The following GPR149 variants were observed in gnomAD, a reference collection of about 807,000 sequenced individuals.
The protein encoded by GPR149 is G protein-coupled receptor 149, also known as probable G protein-coupled receptor 149.
In GPR149, 50 loss-of-function variants were observed where a neutral mutation model predicts 50.2. The observed-to-expected ratio is 1.00, with a 90% CI of 0.79 to 1.26. The LOEUF (loss-of-function observed/expected upper bound fraction) is 1.26. GPR149 is among the 50% of genes most tolerant of loss of function. The pLI is 0.00. For missense variants in GPR149, 983 were observed against 895.4 expected, an observed-to-expected ratio of 1.10 and a Z score of -1.25; for synonymous variants, 405 against 358.2, an observed-to-expected ratio of 1.13 and a Z score of -1.48.
intron 3 of GPR149, among the ~76,000 whole-genome samples, chr3:154,355,885 G>C (rs1375667375): frequency 6.6e-6 from 1 of 152,146 alleles, no homozygotes; most frequent in Non-Finnish European, 1.5e-5. Context: ...GTTTTTGTAA[G>C]GTTGCTATAC....
intron 3 of GPR149, among the ~76,000 whole-genome samples, chr3:154,396,795 C>T (rs1433571093): frequency 6.6e-6 from 1 of 151,722 alleles, no homozygotes. Flanking sequence ...TCATTTCTAT[C>T]AGACTATCAG....
At chr3:154,356,714 C>T (rs1028720733) in intron 3 of GPR149, among the ~76,000 whole-genome samples, 1 of 152,116 alleles carries the variant, frequency 6.6e-6, no homozygotes, top group Non-Finnish European at 1.5e-5. Flanking sequence ...ATTCCATGCT[C>T]ATGGGTAGGA....
chr3:154,396,016 G>C (rs886902494), intron 3 of GPR149, among the ~76,000 whole-genome samples: 2 of 152,152 alleles, frequency 1.3e-5, no homozygotes, highest in African/African-American at 4.8e-5. Flanking sequence ...AAGCACTGAG[G>C]TGGTCTGAAT....
intron 3 of GPR149, among the ~76,000 whole-genome samples, chr3:154,404,870 T>TCAA (rs371581317): frequency 1.1e-5 from 1 of 92,342 alleles, no homozygotes. Context: ...ATCATCATCA[T>TCAA]CATCAGCAGC....
chr3:154,381,605 C>T (rs1400885671), intron 3 of GPR149, among the ~76,000 whole-genome samples: 1 of 152,022 alleles, frequency 6.6e-6, no homozygotes, highest in Non-Finnish European at 1.5e-5. Context: ...TACCAGAAAT[C>T]TCTAATTGGT....
At chr3:154,346,378 G>A (rs558558682) in intron 3 of GPR149, among the ~76,000 whole-genome samples, 1 of 152,264 alleles carries the variant, frequency 6.6e-6, no homozygotes, top group Admixed American at 6.5e-5. Flanking sequence ...TCAACTCGCA[G>A]AATATACCTT....
At chr3:154,350,657 A>G (rs975952083) in intron 3 of GPR149, among the ~76,000 whole-genome samples, 3 of 152,166 alleles carry the variant, frequency 2.0e-5, no homozygotes, top group African/African-American at 7.2e-5. Context: ...AAATCCCAGC[A>G]AGATATTTTC....
rs1302644510 is a variant in GPR149 at position 154,347,953 on chromosome 3, T to C, written c.1624-9682A>G. ...GCTGTGGAGGGTAGTGGTGAAGTAC[T>C]GCTGTGGAGTCGCATACACCTGAGT... On this transcript the variant is annotated intron_variant, in intron 3 of 3. Transcript: ENST00000389740. 3.9e-5 allele frequency among the ~76,000 whole-genome samples: 6 copies of C among 152,256 alleles called. No homozygotes were observed. The East Asian group carries it at 1.2e-3, about 29-fold the overall frequency.
chr3:154,388,087 T>G (rs1404119360), intron 3 of GPR149, among the ~76,000 whole-genome samples: 2 of 152,196 alleles, frequency 1.3e-5, no homozygotes, highest in African/African-American at 4.8e-5. Flanking sequence ...ATATGTGAAC[T>G]ATATAGATTC....
At chr3:154,396,530 A>G (rs1354944527) in intron 3 of GPR149, among the ~76,000 whole-genome samples, 1 of 152,148 alleles carries the variant, frequency 6.6e-6, no homozygotes, top group Non-Finnish European at 1.5e-5. Flanking sequence ...TGTCATTTTT[A>G]GACAGTTTAA....
At chr3:154,389,591 C>A (rs983319159) in intron 3 of GPR149, among the ~76,000 whole-genome samples, 2 of 152,008 alleles carry the variant, frequency 1.3e-5, no homozygotes, top group African/African-American at 4.8e-5. Context: ...AAATGGCAAG[C>A]TAACACATGA....
At chr3:154,378,164 C>T (rs1432453529) in intron 3 of GPR149, among the ~76,000 whole-genome samples, 1 of 145,544 alleles carries the variant, frequency 6.9e-6, no homozygotes, top group Non-Finnish European at 1.5e-5. Flanking sequence ...CTCACTGCAA[C>T]CTCTGCTTCC....
intron 3 of GPR149, among the ~76,000 whole-genome samples, chr3:154,349,921 G>A (rs9840929): frequency 0.25 from 37,317 of 152,020 alleles, 4,823 homozygotes; most frequent in South Asian, 0.33. Context: ...GAAATTCAAG[G>A]CTGCATCAAT....
intron 3 of GPR149, among the ~76,000 whole-genome samples, chr3:154,394,717 A>T (rs911874989): frequency 3.3e-5 from 5 of 152,122 alleles, no homozygotes; most frequent in African/African-American, 1.2e-4. Flanking sequence ...CAATGCATAG[A>T]AAAAGCAACA....
intron 3 of GPR149, among the ~76,000 whole-genome samples, chr3:154,358,057 G>T (rs892747604): frequency 6.6e-6 from 1 of 151,514 alleles, no homozygotes; most frequent in East Asian, 1.9e-4. Flanking sequence ...ACCAAACACT[G>T]CATGTTCTCA....
intron 1 of GPR149, among the ~76,000 whole-genome samples, 160 bp from the exon 2 acceptor site, chr3:154,427,868 G>T (rs1049047521): frequency 3.3e-5 from 5 of 152,234 alleles, no homozygotes; most frequent in Admixed American, 6.5e-5. Context: ...TTGGTGATGG[G>T]CTCCTGGGAA....
In GPR149 at chr3:154,378,088, C is replaced by CT. The variant is rs35650974; in HGVS notation, c.1624-39818dup. Reference sequence around the variant, plus strand: ...CATTATATTGATATATCCCCCCCCCCTTTTTTTTTTTTTGAGATGGAGTCC... The same window carrying CT: ...CATTATATTGATATATCCCCCCCCCCTTTTTTTTTTTTTTGAGATGGAGTCC... On this transcript the variant is annotated intron_variant, in intron 3 of 3. Coordinates refer to ENST00000389740, the MANE Select transcript of GPR149 (RefSeq NM_001038705.3). Among the ~76,000 whole-genome samples, 266 of 57,298 alleles carry CT rather than the reference C, an allele frequency of 4.6e-3. 7 individuals carry two copies. The highest frequency in any genetic ancestry group is 0.037 in the East Asian group (120 of 3,270). 37.6% of individuals were successfully genotyped at this position (57,298 alleles called of 152,430 possible).
chr3:154,362,420 C>T (rs1714433492), intron 3 of GPR149, among the ~76,000 whole-genome samples: 1 of 152,044 alleles, frequency 6.6e-6, no homozygotes, highest in Non-Finnish European at 1.5e-5. Flanking sequence ...TCCTGTTTCC[C>T]AAGTTTTAGT....
chr3:154,363,866 C>T (rs1342851178), intron 3 of GPR149, among the ~76,000 whole-genome samples: 1 of 152,210 alleles, frequency 6.6e-6, no homozygotes, highest in African/African-American at 2.4e-5. Flanking sequence ...CCCCCTCCCA[C>T]TGACAGCTTT....
Sources: allele counts gnomAD v4.1 joint callset (sites outside exome capture counted in the v4.1 genomes callset), GRCh38; gene constraint gnomAD v4.1.1; transcripts MANE v1.5; gene names NCBI Gene and HGNC (gene_info 2026-07-23, HGNC 2026-07-21).